The following RETREG1 variants were observed in gnomAD, a reference collection of about 807,000 sequenced individuals.
The protein encoded by RETREG1 is family with sequence similarity 134 member B.
In RETREG1, 44 loss-of-function variants were observed where a neutral mutation model predicts 54.8. The observed-to-expected ratio is 0.80, with a 90% confidence interval of 0.63 to 1.03. The LOEUF (loss-of-function observed/expected upper bound fraction) is 1.03, where lower values mean the gene tolerates loss of function less well. Among genes scored for constraint, RETREG1 ranks in the 50% least tolerant of loss-of-function variants. The pLI is 0.00. For missense variants in RETREG1, 554 were observed against 605.1 expected, an observed-to-expected ratio of 0.92 and a Z score of 0.89; for synonymous variants, 217 against 238.5, an observed-to-expected ratio of 0.91 and a Z score of 0.83.
intron 3 of RETREG1, among the ~76,000 whole-genome samples, chr5:16,553,150 C>A (rs11955401): frequency 0.029 from 4,436 of 151,978 alleles, 227 homozygotes; most frequent in African/African-American, 0.1. Flanking sequence ...ACTGCCATAT[C>A]GTAAACTCAG....
intron 1 of RETREG1, among the ~76,000 whole-genome samples, chr5:16,607,529 G>A (rs903543261): frequency 6.6e-5 from 10 of 152,038 alleles, no homozygotes; most frequent in East Asian, 1.9e-4. Context: ...CAGGAGAATC[G>A]CTTGAACCCA....
rs1313056871 is a variant in RETREG1 at position 16,616,814 on chromosome 5, G to A, written c.158C>T (p.Ala53Val). 5.9e-6 allele frequency: 9 copies of A among 1,518,226 alleles called. No homozygotes were observed. In the East Asian group the frequency reaches 1.8e-4, roughly 31 times the overall value. The allele number at this position is 1,518,226 out of a possible 1,614,324, so 94.0% of individuals were successfully genotyped here. A position where few individuals can be genotyped will look rare whatever the true frequency, so the allele number is the denominator to read the frequency against. Reference sequence around the variant, plus strand: ...CGCGGCCTCCTCCACCTGCAACCCCGCGCCCTCCGCCGCCCCAGCTTCCTG... The same window carrying A: ...CGCGGCCTCCTCCACCTGCAACCCCACGCCCTCCGCCGCCCCAGCTTCCTG... ...EAQEAGAAEG[A>V]GLQVEEAAGR... The change falls in exon 1 of 9, where the codon GCG (alanine) becomes GTG (valine). Residue 53 changes from alanine to valine, a missense_variant. By Grantham distance (64) the Ala-to-Val change is moderately conservative. Around this residue, in one of 4 missense-constraint regions of RETREG1, gnomAD observed 175 missense variants for 142.1 expected, o/e 1.23. Transcript: ENST00000306320.
At chr5:16,539,076 C>G (rs1215289138) in intron 3 of RETREG1, among the ~76,000 whole-genome samples, 1 of 152,126 alleles carries the variant, frequency 6.6e-6, no homozygotes, top group Non-Finnish European at 1.5e-5. Context: ...AGTCATCTCT[C>G]CAGACATAAA....
chr5:16,516,417 T>C (rs945745061), intron 3 of RETREG1, among the ~76,000 whole-genome samples: 20 of 152,180 alleles, frequency 1.3e-4, no homozygotes, highest in African/African-American at 4.8e-4. Flanking sequence ...TCTAAAAATG[T>C]TGTCTGTAGA....
intron 1 of RETREG1, among the ~76,000 whole-genome samples, chr5:16,582,098 T>C (rs1742500354): frequency 6.6e-6 from 1 of 152,250 alleles, no homozygotes; most frequent in Non-Finnish European, 1.5e-5. Context: ...ACATTATATA[T>C]GACAATTCTA....
Position 16,474,687 on chromosome 5 carries a change from T to TGG in RETREG1, c.*53_*54insCC. ...TCTTTTCCTTTTTTTTTTTTTTTTC[T>TGG]TGTTTGAAATTTTTTTGGTGTTTTT... On this transcript the variant is annotated 3_prime_UTR_variant, in exon 9 of 9. Coordinates refer to ENST00000306320, the MANE Select transcript of RETREG1 (RefSeq NM_001034850.3). 4 of 1,534,730 alleles carry TGG rather than the reference T, an allele frequency of 2.6e-6. No homozygotes were observed. Among genetic ancestry groups the TGG allele is most frequent in the Non-Finnish European group, 2.6e-6 (3 of 1,141,526 alleles).
intron 3 of RETREG1, among the ~76,000 whole-genome samples, chr5:16,542,231 C>T (rs190929595): frequency 8.1e-4 from 124 of 152,310 alleles, no homozygotes; most frequent in African/African-American, 3.0e-3. Flanking sequence ...TCTGTCACCA[C>T]GGATTCGTAA....
chr5:16,504,968 T>C (rs1377387226), intron 3 of RETREG1, among the ~76,000 whole-genome samples: 5 of 152,212 alleles, frequency 3.3e-5, no homozygotes, highest in Admixed American at 3.3e-4. Flanking sequence ...TAATCTGAAT[T>C]ATTAAAACAT....
At chr5:16,486,825 G>A (rs1263415512) in intron 3 of RETREG1, among the ~76,000 whole-genome samples, 1 of 152,142 alleles carries the variant, frequency 6.6e-6, no homozygotes, top group Non-Finnish European at 1.5e-5. Flanking sequence ...CAGGAAAACA[G>A]AGCACTTCAT....
At chr5:16,538,610 T>C (rs1429567502) in intron 3 of RETREG1, among the ~76,000 whole-genome samples, 2 of 152,104 alleles carry the variant, frequency 1.3e-5, no homozygotes, top group Non-Finnish European at 2.9e-5. Flanking sequence ...TGCCTCTCAG[T>C]GCAACCACAG....
chr5:16,552,108 G>C (rs536203551), intron 3 of RETREG1, among the ~76,000 whole-genome samples: 2 of 152,154 alleles, frequency 1.3e-5, no homozygotes, highest in Non-Finnish European at 2.9e-5. Context: ...TCTGAGTTAC[G>C]GTATGGACTT....
At chr5:16,592,175 C>T (rs1316326857) in intron 1 of RETREG1, among the ~76,000 whole-genome samples, 1 of 152,112 alleles carries the variant, frequency 6.6e-6, no homozygotes, top group African/African-American at 2.4e-5. Context: ...GTCCACTGTA[C>T]CAAAAAAGAA....
In RETREG1 at chr5:16,616,909, C is replaced by A; in HGVS notation, c.63G>T (p.Glu21Asp). ...EEGCPAPAAE[E>D]QAPPSPPPPQ... ...GCGGTGGCGGCGACGGCGGCGCCTG[C>A]TCCTCGGCGGCAGGAGCCGGGCATC... Residue 21 changes from glutamate (E) to aspartate (D), a missense_variant, in exon 1 of 9, where the codon GAG (glutamate) becomes GAT (aspartate). Transcript: ENST00000306320. The A allele has an allele frequency of 6.8e-7, 1 of 1,479,022 alleles. No individual in the cohort carries two copies. The highest frequency in any genetic ancestry group is 1.3e-5 in the South Asian group (1 of 78,200). 91.6% of individuals were successfully genotyped at this position (1,479,022 alleles called of 1,614,324 possible). A position where few individuals can be genotyped will look rare whatever the true frequency, so the allele number is the denominator to read the frequency against.
intron 3 of RETREG1, among the ~76,000 whole-genome samples, chr5:16,523,728 C>CA (rs1424022402): frequency 2.6e-5 from 4 of 152,074 alleles, no homozygotes; most frequent in African/African-American, 9.7e-5. Context: ...GGGGGAGTAT[C>CA]AACGTACAGT....
chr5:16,547,074 G>A (rs1008841716), intron 3 of RETREG1, among the ~76,000 whole-genome samples: 5 of 152,202 alleles, frequency 3.3e-5, no homozygotes, highest in African/African-American at 4.8e-5. Flanking sequence ...GCGAGGGACC[G>A]TTCTATAGGT....
chr5:16,616,995 G>A lies in RETREG1; in HGVS notation c.-24C>T, dbSNP rs1478802903. The A allele has an allele frequency of 2.3e-6, 3 of 1,311,374 alleles. No individual in the cohort carries two copies. Among genetic ancestry groups the A allele is most frequent in the South Asian group, 2.1e-5 (1 of 47,416 alleles). The allele number at this position is 1,311,374 out of a possible 1,614,324, so 81.2% of individuals were successfully genotyped here. ...ATCTTCAGCTGTGCTTCCAGACAGGGACGGGGCCGGGCGCGCGCGCGGGCG... is the reference window on the plus strand; with the variant it reads ...ATCTTCAGCTGTGCTTCCAGACAGGAACGGGGCCGGGCGCGCGCGCGGGCG... On this transcript the variant is annotated 5_prime_UTR_variant, in exon 1 of 9. Coordinates refer to ENST00000306320, the MANE Select transcript of RETREG1 (RefSeq NM_001034850.3).
intron 1 of RETREG1, among the ~76,000 whole-genome samples, chr5:16,599,761 C>T (rs764385144): frequency 6.6e-6 from 1 of 152,070 alleles, no homozygotes; most frequent in Non-Finnish European, 1.5e-5. Flanking sequence ...CCCCAAACCA[C>T]GCCAGAATCA....
intron 3 of RETREG1, among the ~76,000 whole-genome samples, chr5:16,536,344 C>T (rs759985449): frequency 6.7e-4 from 102 of 152,120 alleles, no homozygotes; most frequent in Non-Finnish European, 3.7e-4. Flanking sequence ...GAAGCTCTCA[C>T]AAAAATGCTC....
At chr5:16,517,565 AGACT>A (rs560806749) in intron 3 of RETREG1, among the ~76,000 whole-genome samples, 200 of 152,324 alleles carry the variant, frequency 1.3e-3, no homozygotes, top group African/African-American at 4.5e-3. Flanking sequence ...CTCACCAGAC[AGACT>A]ATCACCAAGT....
Sources: allele counts gnomAD v4.1 joint callset (sites outside exome capture counted in the v4.1 genomes callset), GRCh38; gene constraint gnomAD v4.1.1; regional missense constraint gnomAD v4.1.1; transcripts MANE v1.5; gene names NCBI Gene and HGNC (gene_info 2026-07-23, HGNC 2026-07-21).